The following CTNND2 variants were observed in gnomAD, a reference collection of about 807,000 sequenced individuals.
CTNND2 encodes the protein catenin delta-2.
A neutral mutation model predicts 144.4 loss-of-function variants in CTNND2; 22 were observed. The ratio of observed to expected loss-of-function variants is 0.15; its 90% confidence interval spans 0.11 to 0.22. The LOEUF is 0.22. Ranked by LOEUF, CTNND2 falls within the 10% of genes least tolerant of loss-of-function variation. The pLI, the probability that CTNND2 is intolerant of heterozygous loss-of-function variation, is 1.00. For synonymous variants in CTNND2, 751 were observed against 695.6 expected (o/e 1.08, Z -1.25); for missense variants, 1,353 against 1,618.8 (o/e 0.84, Z 2.82).
At chr5:11,250,340 C>T (rs1366350161) in intron 9 of CTNND2, among the ~76,000 whole-genome samples, 1 of 151,420 alleles carries the variant, frequency 6.6e-6, no homozygotes, top group Non-Finnish European at 1.5e-5. Context: ...TCATTTCTAC[C>T]CATTGATAAA....
rs1330418677 is a variant in CTNND2, at chr5:11,847,125, A to ATT, written c.37+56690_37+56691dup. ...AGGAAATAAAATCAGTATGTCAAAGATTTTATATATATATATATATATATA... is the reference window on the plus strand; with the variant it reads ...AGGAAATAAAATCAGTATGTCAAAGATTTTTTATATATATATATATATATATA... On this transcript the variant is annotated intron_variant, in intron 1 of 21. Coordinates refer to ENST00000304623, the MANE Select transcript of CTNND2 (RefSeq NM_001332.4). Among the ~76,000 whole-genome samples the ATT allele has an allele frequency of 9.8e-4, 102 of 103,632 alleles. 4 individuals carry two copies. The highest frequency in any genetic ancestry group is 7.1e-3 in the Admixed American group (68 of 9,538). The allele number at this position is 103,632 out of a possible 152,430, so 68.0% of individuals were successfully genotyped here. A position where few individuals can be genotyped will look rare whatever the true frequency, so the allele number is the denominator to read the frequency against.
chr5:11,423,163 A>G (rs999091856), intron 3 of CTNND2, among the ~76,000 whole-genome samples: 11 of 152,180 alleles, frequency 7.2e-5, no homozygotes, highest in Non-Finnish European at 1.5e-4. Context: ...CTTATAATAT[A>G]CAGTGTTTTG....
At chr5:10,976,898 A>T (rs1579920715) in intron 21 of CTNND2, among the ~76,000 whole-genome samples, 1 of 152,230 alleles carries the variant, frequency 6.6e-6, no homozygotes, top group Non-Finnish European at 1.5e-5. Context: ...GATATGAAGT[A>T]TCAGTGGTCT....
At chr5:11,389,176 C>T (rs1759382671) in intron 6 of CTNND2, among the ~76,000 whole-genome samples, 1 of 152,178 alleles carries the variant, frequency 6.6e-6, no homozygotes, top group African/African-American at 2.4e-5. Context: ...CAGTCTCAGC[C>T]TCGAGGGCAA....
At chr5:11,850,791 T>A (rs1033893757) in intron 1 of CTNND2, among the ~76,000 whole-genome samples, 5 of 152,196 alleles carry the variant, frequency 3.3e-5, no homozygotes, top group African/African-American at 9.7e-5. Flanking sequence ...AGCTCGAACA[T>A]ACTATTAATT....
intron 2 of CTNND2, among the ~76,000 whole-genome samples, chr5:11,668,929 GA>G (rs1783720728): frequency 6.6e-6 from 1 of 152,142 alleles, no homozygotes; most frequent in East Asian, 1.9e-4. Context: ...ATTATTTTGA[GA>G]TACGTTCCAT....
intron 2 of CTNND2, among the ~76,000 whole-genome samples, chr5:11,655,240 A>C (rs920247682): frequency 6.6e-6 from 1 of 152,038 alleles, no homozygotes; most frequent in African/African-American, 2.4e-5. Context: ...CTAGTTTTTC[A>C]CATGTAAGAG....
chr5:11,418,025 A>C (rs929769071), intron 3 of CTNND2, among the ~76,000 whole-genome samples: 3 of 152,086 alleles, frequency 2.0e-5, no homozygotes, highest in African/African-American at 7.2e-5. Context: ...TATTTGTTGC[A>C]CCCAAATAAG....
At chr5:11,274,594 A>T (rs115126952) in intron 9 of CTNND2, among the ~76,000 whole-genome samples, 2,043 of 149,182 alleles carry the variant, frequency 0.014, 46 homozygotes, top group African/African-American at 0.047. Context: ...TTTTTTTTTT[A>T]AAAAGGCAAC....
intron 3 of CTNND2, among the ~76,000 whole-genome samples, chr5:11,461,967 C>T (rs1207745231): frequency 1.3e-5 from 2 of 151,964 alleles, no homozygotes; most frequent in Non-Finnish European, 2.9e-5. Flanking sequence ...TATATTGAGT[C>T]TTAGGGTCTG....
chr5:11,841,630 T>C (rs908332787), intron 1 of CTNND2, among the ~76,000 whole-genome samples: 1 of 152,014 alleles, frequency 6.6e-6, no homozygotes, highest in African/African-American at 2.4e-5. Context: ...GGCCAGGAGA[T>C]GGAAAGAGCG....
At chr5:11,548,030 AT>A (rs568992107) in intron 3 of CTNND2, among the ~76,000 whole-genome samples, 14 of 152,342 alleles carry the variant, frequency 9.2e-5, no homozygotes, top group Middle Eastern at 3.4e-3. Flanking sequence ...GCATATTCAA[AT>A]GACGGAGTAG....
At chr5:11,575,882 T>TC (rs1777936250) in intron 2 of CTNND2, among the ~76,000 whole-genome samples, 1 of 152,102 alleles carries the variant, frequency 6.6e-6, no homozygotes, top group Admixed American at 6.6e-5. Flanking sequence ...AACAAGCTCA[T>TC]CCATTCCGAA....
At chr5:11,306,924 T>C (rs2150042922) in intron 9 of CTNND2, among the ~76,000 whole-genome samples, 1 of 152,294 alleles carries the variant, frequency 6.6e-6, no homozygotes, top group South Asian at 2.1e-4. Flanking sequence ...GCTTCCTTTT[T>C]GTGTGTCCCT....
intron 2 of CTNND2, among the ~76,000 whole-genome samples, chr5:11,716,225 CA>C (rs1260009814): frequency 1.3e-5 from 2 of 152,152 alleles, no homozygotes; most frequent in Non-Finnish European, 2.9e-5. Context: ...ACATCATTAT[CA>C]AGTCATAATG....
At chr5:11,844,868 T>G (rs950612588) in intron 1 of CTNND2, among the ~76,000 whole-genome samples, 2 of 152,088 alleles carry the variant, frequency 1.3e-5, no homozygotes, top group African/African-American at 4.8e-5. Context: ...GAGTTGAATT[T>G]GGAAGTCCTG....
At chr5:11,555,174 C>A (rs1186367256) in intron 3 of CTNND2, among the ~76,000 whole-genome samples, 3 of 152,128 alleles carry the variant, frequency 2.0e-5, no homozygotes, top group African/African-American at 2.4e-5. Flanking sequence ...GTGCTGGCCA[C>A]TGGTTTCGCA....
intron 2 of CTNND2, among the ~76,000 whole-genome samples, chr5:11,670,477 T>C (rs886471515): frequency 5.3e-5 from 8 of 152,226 alleles, no homozygotes; most frequent in Non-Finnish European, 1.0e-4. Flanking sequence ...CTCTTCTTGT[T>C]GCATTGATCC....
chr5:11,090,684 A>G (rs745495805), intron 15 of CTNND2, among the ~76,000 whole-genome samples: 10 of 152,134 alleles, frequency 6.6e-5, no homozygotes, highest in Non-Finnish European at 8.8e-5. Flanking sequence ...CTTCCACGAA[A>G]CTGGTTCCTG....
Sources: gnomAD v4.1 joint callset for allele counts (sites outside exome capture counted in the v4.1 genomes callset) on GRCh38, gnomAD v4.1.1 for gene constraint, MANE v1.5 for transcripts, NCBI Gene and HGNC (gene_info 2026-07-23, HGNC 2026-07-21) for gene names.